RBPJ: variants seen among roughly 807,000 people sequenced by gnomAD.
The protein encoded by RBPJ is recombining binding protein suppressor of hairless.
RBPJ carries 9 observed loss-of-function variants against 67.8 expected under a neutral mutation model. The ratio of observed to expected loss-of-function variants is 0.13; its 90% CI spans 0.08 to 0.23. The LOEUF (loss-of-function observed/expected upper bound fraction) is 0.23. Ranked by LOEUF, RBPJ falls within the 10% of genes least tolerant of loss-of-function variation. RBPJ has a pLI of 1.00. For missense variants in RBPJ, 305 were observed against 595.6 expected (o/e 0.51, Z 5.08); for synonymous variants, 198 against 203.3 (o/e 0.97, Z 0.22).
intron 1 of RBPJ, among the ~76,000 whole-genome samples, chr4:26,259,600 G>A (rs73114527): frequency 0.11 from 16,250 of 152,176 alleles, 2,726 homozygotes; most frequent in African/African-American, 0.36. Context: ...AAGCTCTGCT[G>A]TTGTCTATAG....
the RBPJ span, among the ~76,000 whole-genome samples, chr4:26,109,644 C>G: frequency 0.022 from 464 of 21,146 alleles, 119 homozygotes; most frequent in East Asian, 0.1. Context: ...CTCTCTCTGT[C>G]TCTCTCTCTC....
chr4:26,420,973 CTGT>C (rs1735075182), intron 5 of RBPJ: 1 of 417,766 alleles, frequency 2.4e-6, no homozygotes, highest in African/African-American at 2.0e-5. Flanking sequence ...TTTTCTCCTT[CTGT>C]TGTTACAGTG....
chr4:26,255,779 G>A (rs1032617903), intron 1 of RBPJ, among the ~76,000 whole-genome samples: 3 of 146,468 alleles, frequency 2.0e-5, no homozygotes, highest in South Asian at 2.1e-4. Flanking sequence ...TCCAGCCTGG[G>A]CAACAGAGCA....
At chr4:26,353,299 A>G (rs1221181333) in intron 1 of RBPJ, among the ~76,000 whole-genome samples, 1 of 152,270 alleles carries the variant, frequency 6.6e-6, no homozygotes, top group Non-Finnish European at 1.5e-5. Context: ...GCAAGGAAAC[A>G]TACATTGTAT....
At chr4:26,428,127 T>C (rs1735868375) in intron 7 of RBPJ, among the ~76,000 whole-genome samples, 1 of 152,234 alleles carries the variant, frequency 6.6e-6, no homozygotes, top group Non-Finnish European at 1.5e-5. Context: ...TTGTAATCTG[T>C]AAAATGAGTT....
intron 1 of RBPJ, among the ~76,000 whole-genome samples, chr4:26,284,878 A>C (rs923457566): frequency 1.8e-4 from 27 of 151,304 alleles, no homozygotes; most frequent in African/African-American, 6.3e-4. Flanking sequence ...TTCTTTTGAA[A>C]TGAAGTCTTA....
chr4:26,377,962 C>T (rs554683864), intron 1 of RBPJ, among the ~76,000 whole-genome samples: 4 of 152,262 alleles, frequency 2.6e-5, no homozygotes, highest in African/African-American at 7.2e-5. Context: ...CTAATAATCA[C>T]GTGTAGGGTG....
intron 2 of RBPJ, among the ~76,000 whole-genome samples, chr4:26,400,508 T>G (rs1210679982): frequency 2.5e-5 from 1 of 39,958 alleles, no homozygotes; most frequent in Non-Finnish European, 8.0e-5. Flanking sequence ...TTGACAGGCT[T>G]TTTACTATTT....
chr4:26,167,342 C>T (rs1387077841), intron 1 of RBPJ, among the ~76,000 whole-genome samples: 1 of 152,000 alleles, frequency 6.6e-6, no homozygotes, highest in African/African-American at 2.4e-5. Flanking sequence ...TTCTTCCTAC[C>T]CATGAGCATG....
upstream of RBPJ, among the ~76,000 whole-genome samples, chr4:26,162,267 G>A (rs1346322275): frequency 6.6e-6 from 1 of 152,204 alleles, no homozygotes; most frequent in African/African-American, 2.4e-5. Context: ...GTCTCACTTT[G>A]CCTGTGACAG....
intron 4 of RBPJ, among the ~76,000 whole-genome samples, chr4:26,419,581 TGAA>T (rs2109800610): frequency 6.6e-6 from 1 of 152,326 alleles, no homozygotes; most frequent in East Asian, 1.9e-4. Flanking sequence ...GAGAGGCAGT[TGAA>T]GAAACTTGTT....
chr4:26,314,989 A>C (rs1722554043), upstream of RBPJ, among the ~76,000 whole-genome samples: 1 of 151,308 alleles, frequency 6.6e-6, no homozygotes, highest in Non-Finnish European at 1.5e-5. Flanking sequence ...CACTAAAAAT[A>C]CAAAAATTAG....
chr4:26,136,914 A>C, the RBPJ span, among the ~76,000 whole-genome samples: 1 of 152,162 alleles, frequency 6.6e-6, no homozygotes. Flanking sequence ...AAATCCAAGT[A>C]CTGCTGATCC....
At chr4:26,231,706 C>T (rs1486177471) in intron 1 of RBPJ, among the ~76,000 whole-genome samples, 1 of 151,556 alleles carries the variant, frequency 6.6e-6, no homozygotes, top group Non-Finnish European at 1.5e-5. Flanking sequence ...GCCACGGCGC[C>T]CAGCCTATTT....
chr4:26,284,288 T>C (rs1377331349), intron 1 of RBPJ, among the ~76,000 whole-genome samples: 1 of 152,180 alleles, frequency 6.6e-6, no homozygotes, highest in Non-Finnish European at 1.5e-5. Flanking sequence ...CTTTGTTGCA[T>C]TTTTAAAGGT....
chr4:26,292,079 A>G (rs932510818), intron 1 of RBPJ, among the ~76,000 whole-genome samples: 5 of 150,768 alleles, frequency 3.3e-5, no homozygotes, highest in African/African-American at 1.2e-4. Context: ...TGTGGTGAAA[A>G]TATTTAAGAT....
chr4:26,311,761 G>T (rs1208634448), intron 1 of RBPJ, among the ~76,000 whole-genome samples: 4 of 152,038 alleles, frequency 2.6e-5, no homozygotes, highest in African/African-American at 9.7e-5. Flanking sequence ...TTATACTCAA[G>T]TTCTATATCA....
intron 1 of RBPJ, among the ~76,000 whole-genome samples, chr4:26,262,901 C>A (rs1466186506): frequency 1.3e-5 from 2 of 152,170 alleles, no homozygotes; most frequent in Non-Finnish European, 2.9e-5. Context: ...TCAGGCTTCC[C>A]AGAGCAGAAT....
chr4:26,192,164 C>A (rs895570312), intron 1 of RBPJ, among the ~76,000 whole-genome samples: 1 of 152,038 alleles, frequency 6.6e-6, no homozygotes, highest in Non-Finnish European at 1.5e-5. Context: ...TGCGCCACCA[C>A]GCCCGGCTAC....
Sources: gnomAD v4.1 joint callset for allele counts (sites outside exome capture counted in the v4.1 genomes callset) on GRCh38, gnomAD v4.1.1 for gene constraint, MANE v1.5 for transcripts, NCBI Gene and HGNC (gene_info 2026-07-23, HGNC 2026-07-21) for gene names.